Variants in SDK2 observed in about 807,000 individuals in gnomAD.
SDK2 encodes the protein sidekick cell adhesion molecule 2.
A neutral mutation model predicts 253.9 loss-of-function variants in SDK2; 105 were observed. That is an observed-to-expected ratio of 0.41 (90% CI 0.35 to 0.49). The LOEUF is 0.49. SDK2 is among the 20% of genes least tolerant of loss of function. The pLI, the probability that SDK2 is intolerant of heterozygous loss-of-function variation, is 0.06. For missense variants in SDK2, 2,608 were observed against 3,003.0 expected (o/e 0.87, Z 3.07); for synonymous variants, 1,249 against 1,234.9 (o/e 1.01, Z -0.24).
chr17:73,614,233 C>T (rs975519225), intron 1 of SDK2, among the ~76,000 whole-genome samples: 7 of 152,170 alleles, frequency 4.6e-5, no homozygotes, highest in African/African-American at 1.7e-4. Context: ...GAAAGTACCC[C>T]CACCTTCTGT....
At chr17:73,623,594 A>G (rs146080017) in intron 1 of SDK2, among the ~76,000 whole-genome samples, 42 of 152,290 alleles carry the variant, frequency 2.8e-4, no homozygotes, top group African/African-American at 7.7e-4. Flanking sequence ...TCTGCTCTGC[A>G]AAAGCAGGGA....
intron 1 of SDK2, among the ~76,000 whole-genome samples, chr17:73,546,877 C>T (rs912731407): frequency 2.0e-5 from 3 of 152,246 alleles, no homozygotes; most frequent in African/African-American, 7.2e-5. Context: ...CAGAGAGGTG[C>T]AGGGATGGTA....
chr17:73,466,722 C>CG lies in SDK2; in HGVS notation c.331+5389_331+5390insC, dbSNP rs1054460402. Among the ~76,000 whole-genome samples, 406 of 145,994 alleles carry CG rather than the reference C, an allele frequency of 2.8e-3. 23 individuals are homozygous for CG. The highest frequency in any genetic ancestry group is 4.9e-3 in the Non-Finnish European group (322 of 65,652). On this transcript the variant is annotated intron_variant, in intron 3 of 44. Transcript: ENST00000392650. The stretch of plus-strand genomic sequence containing the variant: ...TTGGAGGCTCTGGGGAACGCCCCCC[C>CG]CCCCCGGCTTAGGCTCTGCATCTTT...
intron 1 of SDK2, among the ~76,000 whole-genome samples, chr17:73,630,055 T>C (rs924893869): frequency 5.3e-5 from 8 of 152,178 alleles, no homozygotes; most frequent in Non-Finnish European, 1.2e-4. Flanking sequence ...AGCTTTGCTG[T>C]AGCCCTCTGC....
rs1193090010 is a variant in SDK2, at chr17:73,618,429, T to C, written c.64+25596A>G. Among the ~76,000 whole-genome samples, 2 of 152,238 alleles carry C rather than the reference T, an allele frequency of 1.3e-5. No individual in the cohort carries two copies. On this transcript the variant is annotated intron_variant, in intron 1 of 44. Coordinates refer to ENST00000392650, the MANE Select transcript of SDK2 (RefSeq NM_001144952.2). The surrounding 1 kb of genome is among the most constrained non-coding windows in gnomAD (Gnocchi z 4.1). ...AGTGGTCGGCCAAGCCCAAGGGCTATGGAGCCACAAGGATTCAAGGAAGCA... is the reference window on the plus strand; with the variant it reads ...AGTGGTCGGCCAAGCCCAAGGGCTACGGAGCCACAAGGATTCAAGGAAGCA...
chr17:73,430,683 T>A, intron 11 of SDK2, 70 bp from the exon 12 acceptor site: 2 of 1,074,192 alleles, frequency 1.9e-6, no homozygotes, highest in Non-Finnish European at 2.6e-6. Flanking sequence ...TCTGGGTGGA[T>A]ACCATATGAA....
intron 15 of SDK2, among the ~76,000 whole-genome samples, chr17:73,422,041 C>G (rs770655079): frequency 6.6e-6 from 1 of 152,138 alleles, no homozygotes; most frequent in Non-Finnish European, 1.5e-5. Context: ...GCACAGCTCC[C>G]AGTAACTGGG....
In SDK2 at chr17:73,621,803, C is replaced by G. The variant is rs552974636; in HGVS notation, c.64+22222G>C. Reference sequence around the variant, plus strand: ...GAAGATTGAAAAAAGTGAACAGGGACAATATAAAAACATCTAACATAGGTG... The same window carrying G: ...GAAGATTGAAAAAAGTGAACAGGGAGAATATAAAAACATCTAACATAGGTG... On this transcript the variant is annotated intron_variant, in intron 1 of 44. Coordinates refer to ENST00000392650, the MANE Select transcript of SDK2 (RefSeq NM_001144952.2). 2.0e-5 allele frequency among the ~76,000 whole-genome samples: 3 copies of G among 151,766 alleles called. No individual in the cohort carries two copies. In the East Asian group the frequency reaches 5.8e-4, roughly 29 times the overall value.
intron 1 of SDK2, among the ~76,000 whole-genome samples, chr17:73,598,405 G>A (rs915838035): frequency 6.6e-6 from 1 of 152,196 alleles, no homozygotes; most frequent in Admixed American, 6.5e-5. Context: ...AGCTGGCCGA[G>A]GCAGCCCCAT....
chr17:73,447,637 C>T lies in SDK2; in HGVS notation c.591G>A (p.Gln197=). ...TACTCTCCACGGTGAGCGTGATGGG[C>T]TGGCTGGTCTTGTTATCCCCGTTTT... The part of the protein sequence containing the change: ...NDKNGDNKTS[Q]PITLTVENVG... The change falls in exon 5 of 45, where the codon CAG becomes CAA. Residue 197 remains glutamine (Q), a synonymous_variant. Transcript: ENST00000392650. This position sits in a 1 kb window ranked among gnomAD's most constrained non-coding sequence, Gnocchi z 4.0. 1.9e-6 allele frequency: 3 copies of T among 1,551,902 alleles called. No individual in the cohort carries two copies. The highest frequency in any genetic ancestry group is 1.7e-6 in the Non-Finnish European group (2 of 1,147,038).
intron 19 of SDK2, 21 bp downstream of exon 19, chr17:73,401,925 G>T: frequency 6.4e-7 from 1 of 1,565,312 alleles, no homozygotes; most frequent in Non-Finnish European, 8.7e-7. Flanking sequence ...GGCAGAAAGA[G>T]CAGGGCTGGG....
intron 1 of SDK2, among the ~76,000 whole-genome samples, chr17:73,548,746 G>A (rs1375420581): frequency 1.3e-5 from 2 of 152,224 alleles, no homozygotes; most frequent in Non-Finnish European, 2.9e-5. Flanking sequence ...GGGAAGTAGA[G>A]GGGGAGGAAA....
chr17:73,464,341 C>G (rs1185204096), intron 3 of SDK2, among the ~76,000 whole-genome samples: 1 of 152,150 alleles, frequency 6.6e-6, no homozygotes, highest in African/African-American at 2.4e-5. Flanking sequence ...AGTGGAAATT[C>G]CCCTGCACAA....
At position 73,401,079 on chromosome 17, in the gene SDK2, A is replaced by C; in HGVS notation, c.2912T>G (p.Met971Arg). The C allele has an allele frequency of 6.4e-7, 1 of 1,573,284 alleles. No homozygotes were observed. The highest frequency in any genetic ancestry group is 8.6e-7 in the Non-Finnish European group (1 of 1,159,354). Residue 971 changes from methionine to arginine, a missense_variant, in exon 21 of 45, where the codon ATG becomes AGG. Around this residue, in one of 2 missense-constraint regions of SDK2, gnomAD observed 1,505 missense variants for 1,859.1 expected, o/e 0.81. Coordinates refer to ENST00000392650, the MANE Select transcript of SDK2 (RefSeq NM_001144952.2). ...CACTTGGCCCTGGCCCTTTGAGGTC[A>C]TGGCGGCCACCTCGATGGTGTAGGT... ...LTTYTIEVAA[M>R]TSKGQGQVSA...
chr17:73,571,234 C>T (rs149109081), intron 1 of SDK2, among the ~76,000 whole-genome samples: 81 of 152,218 alleles, frequency 5.3e-4, no homozygotes, highest in Non-Finnish European at 9.0e-4. Context: ...ATGCCCAGCT[C>T]GGGTCTCTTT....
At chr17:73,606,553 G>A (rs2045910017) in intron 1 of SDK2, among the ~76,000 whole-genome samples, 2 of 152,196 alleles carry the variant, frequency 1.3e-5, no homozygotes, top group African/African-American at 4.8e-5. Context: ...ACGAAGGCGG[G>A]TTTCACCGTT....
intron 1 of SDK2, among the ~76,000 whole-genome samples, chr17:73,604,589 C>G (rs2045883261): frequency 6.6e-6 from 1 of 152,220 alleles, no homozygotes; most frequent in Non-Finnish European, 1.5e-5. Context: ...GGATGACAGC[C>G]AGGAGGCTGC....
chr17:73,548,787 C>T (rs2045008340), intron 1 of SDK2, among the ~76,000 whole-genome samples: 1 of 152,250 alleles, frequency 6.6e-6, no homozygotes, highest in Admixed American at 6.5e-5. Context: ...CCAGGCTCTG[C>T]ATGGTGGGGG....
At chr17:73,554,864 T>C (rs1472230089) in intron 1 of SDK2, among the ~76,000 whole-genome samples, 1 of 152,222 alleles carries the variant, frequency 6.6e-6, no homozygotes, top group East Asian at 1.9e-4. Flanking sequence ...GTTCTGTAAA[T>C]GTTACAAACC....
Sources: allele counts gnomAD v4.1 joint callset (sites outside exome capture counted in the v4.1 genomes callset), GRCh38; gene constraint gnomAD v4.1.1; regional missense constraint gnomAD v4.1.1; non-coding constraint Gnocchi (gnomAD v3.1); transcripts MANE v1.5; gene names NCBI Gene and HGNC (gene_info 2026-07-23, HGNC 2026-07-21).